Variants in RBFOX1 observed in about 807,000 individuals in gnomAD.
RBFOX1 encodes RNA binding protein fox-1 homolog 1.
A neutral mutation model predicts 57.7 loss-of-function variants in RBFOX1; 8 were observed. That is an observed-to-expected ratio of 0.14 (90% CI 0.08 to 0.25). The LOEUF is 0.25. Among genes scored for constraint, RBFOX1 ranks in the 10% least tolerant of loss-of-function variants. RBFOX1 has a pLI of 1.00. For missense variants in RBFOX1, 611 were observed against 548.5 expected (o/e 1.11, Z -1.14); for synonymous variants, 326 against 222.4 (o/e 1.47, Z -4.15).
intron 3 of RBFOX1, among the ~76,000 whole-genome samples, chr16:6,808,101 T>C (rs1466971336): frequency 1.3e-5 from 2 of 150,590 alleles, no homozygotes; most frequent in African/African-American, 4.9e-5. Flanking sequence ...GAACTAGATA[T>C]ATATAGGATG....
At chr16:6,354,746 C>A (rs537429736) in intron 2 of RBFOX1, among the ~76,000 whole-genome samples, 1 of 152,304 alleles carries the variant, frequency 6.6e-6, no homozygotes, top group Admixed American at 6.5e-5. Flanking sequence ...ATCTCTGAAA[C>A]CACTTGTGTC....
chr16:5,509,525 A>G (rs2043503342), intron 2 of RBFOX1, among the ~76,000 whole-genome samples: 1 of 152,214 alleles, frequency 6.6e-6, no homozygotes, highest in Admixed American at 6.5e-5. Flanking sequence ...GGAGTGTGGA[A>G]TGAGATGAAG....
chr16:6,154,283 A>T (rs2096823527), intron 1 of RBFOX1, among the ~76,000 whole-genome samples: 1 of 152,230 alleles, frequency 6.6e-6, no homozygotes, highest in African/African-American at 2.4e-5. Flanking sequence ...TTTAAAGGTA[A>T]TGGCAAAGAT....
intron 3 of RBFOX1, among the ~76,000 whole-genome samples, chr16:7,033,663 G>T (rs1325629878): frequency 3.3e-5 from 5 of 152,160 alleles, no homozygotes; most frequent in Admixed American, 2.0e-4. Flanking sequence ...ATGAGGAAGG[G>T]AGGCTGGGAT....
At chr16:5,619,849 C>A (rs1392924845) in intron 3 of RBFOX1, among the ~76,000 whole-genome samples, 1 of 152,128 alleles carries the variant, frequency 6.6e-6, no homozygotes, top group African/African-American at 2.4e-5. Flanking sequence ...CCCCTGGGGA[C>A]ATGGGGGCTC....
chr16:5,348,505 C>T (rs2065192524), intron 1 of RBFOX1, among the ~76,000 whole-genome samples: 1 of 152,184 alleles, frequency 6.6e-6, no homozygotes, highest in South Asian at 2.1e-4. Context: ...AGGGTAGCAG[C>T]TTGCCCAGGA....
chr16:6,775,346 A>C (rs2079142457), intron 3 of RBFOX1, among the ~76,000 whole-genome samples: 1 of 150,866 alleles, frequency 6.6e-6, no homozygotes, highest in Non-Finnish European at 1.5e-5. Flanking sequence ...AAAAAAAAAA[A>C]AAAAAAGTAG....
chr16:5,538,628 T>C (rs1279074327), intron 2 of RBFOX1, among the ~76,000 whole-genome samples: 1 of 151,546 alleles, frequency 6.6e-6, no homozygotes, highest in Non-Finnish European at 1.5e-5. Context: ...TCTTTTTTTT[T>C]TTTTTTGTTT....
intron 12 of RBFOX1, among the ~76,000 whole-genome samples, chr16:7,654,578 C>T (rs2065864022): frequency 6.6e-6 from 1 of 152,136 alleles, no homozygotes; most frequent in African/African-American, 2.4e-5. Flanking sequence ...TTTGGTCCTT[C>T]TCTGCACAGA....
chr16:7,065,834 C>G lies in RBFOX1; in HGVS notation c.27+13736C>G, dbSNP rs1227922455. ...CCAGCCTCCAAGCCTCTGGTAATCACCATTCTACTCTTGCTTTTATGAGTT... is the reference window on the plus strand; with the variant it reads ...CCAGCCTCCAAGCCTCTGGTAATCAGCATTCTACTCTTGCTTTTATGAGTT... On this transcript the variant is annotated intron_variant, in intron 4 of 15. Coordinates refer to ENST00000550418, the MANE Select transcript of RBFOX1 (RefSeq NM_018723.4). Among the ~76,000 whole-genome samples the G allele has an allele frequency of 2.0e-5, 3 of 152,124 alleles. No homozygotes were observed. The East Asian group carries it at 5.8e-4, about 29-fold the overall frequency.
At chr16:7,409,905 A>G (rs1260258856) in intron 4 of RBFOX1, among the ~76,000 whole-genome samples, 1 of 152,158 alleles carries the variant, frequency 6.6e-6, no homozygotes, top group East Asian at 1.9e-4. Flanking sequence ...AATGTCTTAA[A>G]TGAGGGGAGG....
chr16:6,213,670 A>T (rs915049913), intron 1 of RBFOX1, among the ~76,000 whole-genome samples: 1 of 152,226 alleles, frequency 6.6e-6, no homozygotes, highest in Non-Finnish European at 1.5e-5. Context: ...TAAAGAGAAG[A>T]AGAAATACTG....
chr16:5,483,302 C>G (rs1311735627), intron 2 of RBFOX1, among the ~76,000 whole-genome samples: 6 of 152,208 alleles, frequency 3.9e-5, no homozygotes, highest in African/African-American at 1.2e-4. Flanking sequence ...GCTCTTCGTG[C>G]TCTTGGCACA....
intron 3 of RBFOX1, among the ~76,000 whole-genome samples, chr16:6,724,708 C>G (rs534040561): frequency 6.6e-6 from 1 of 152,090 alleles, no homozygotes; most frequent in Non-Finnish European, 1.5e-5. Context: ...TCAGATTAGA[C>G]CATATAGGGT....
At chr16:6,706,181 G>C (rs186897774) in intron 3 of RBFOX1, among the ~76,000 whole-genome samples, 1 of 152,134 alleles carries the variant, frequency 6.6e-6, no homozygotes, top group African/African-American at 2.4e-5. Flanking sequence ...TACTGCTCCC[G>C]TGAATAGGTA....
chr16:6,980,546 T>G (rs1178186957), intron 3 of RBFOX1, among the ~76,000 whole-genome samples: 2 of 152,196 alleles, frequency 1.3e-5, no homozygotes, highest in Non-Finnish European at 2.9e-5. Flanking sequence ...AAGCTAACAT[T>G]TGACATGAGA....
intron 3 of RBFOX1, among the ~76,000 whole-genome samples, chr16:6,657,951 C>G (rs763816733): frequency 6.6e-6 from 1 of 152,106 alleles, no homozygotes; most frequent in African/African-American, 2.4e-5. Flanking sequence ...CCTCCCCTGG[C>G]TTTCTGTCTA....
At chr16:7,702,840 A>C (rs1006706488) in intron 14 of RBFOX1, among the ~76,000 whole-genome samples, 1 of 152,196 alleles carries the variant, frequency 6.6e-6, no homozygotes, top group African/African-American at 2.4e-5. Flanking sequence ...TCTTCAACAC[A>C]TCATTTATTT....
intron 2 of RBFOX1, among the ~76,000 whole-genome samples, chr16:5,521,668 C>T (rs2044022487): frequency 6.6e-6 from 1 of 152,132 alleles, no homozygotes; most frequent in African/African-American, 2.4e-5. Flanking sequence ...GGTTTGTAAG[C>T]AATCAGGTCT....
Sources: allele counts gnomAD v4.1 joint callset (sites outside exome capture counted in the v4.1 genomes callset), GRCh38; gene constraint gnomAD v4.1.1; transcripts MANE v1.5; gene names NCBI Gene and HGNC (gene_info 2026-07-23, HGNC 2026-07-21).